Variants in SMPD4 observed in about 807,000 individuals in gnomAD.
SMPD4 encodes the protein sphingomyelin phosphodiesterase 4.
A neutral mutation model predicts 97.8 loss-of-function variants in SMPD4; 58 were observed. That is an observed-to-expected ratio of 0.59 (90% CI 0.48 to 0.74). The LOEUF is 0.74. Ranked by LOEUF, SMPD4 falls within the 30% of genes least tolerant of loss-of-function variation. The pLI is 0.00. For synonymous variants in SMPD4, 388 were observed against 450.0 expected, an observed-to-expected ratio of 0.86 and a Z score of 1.74; for missense variants, 853 against 1,080.5, an observed-to-expected ratio of 0.79 and a Z score of 2.95.
At chr2:130,169,139 C>T (rs1688199847) in intron 8 of SMPD4, among the ~76,000 whole-genome samples, 1 of 152,236 alleles carries the variant, frequency 6.6e-6, no homozygotes. Flanking sequence ...CACTACGGTG[C>T]TCCTCCCAAC....
At chr2:130,174,736 TG>T (rs1314222111) in intron 3 of SMPD4, among the ~76,000 whole-genome samples, 177 bp downstream of exon 3, 2 of 152,212 alleles carry the variant, frequency 1.3e-5, no homozygotes, top group Non-Finnish European at 2.9e-5. Flanking sequence ...TGAGAACCCC[TG>T]ATCTACAAGT....
intron 10 of SMPD4, 59 bp from the exon 11 acceptor site, chr2:130,161,331 G>C (rs886761545): frequency 6.9e-7 from 1 of 1,454,500 alleles, no homozygotes; most frequent in Admixed American, 1.7e-5. Flanking sequence ...CAAGAGAATG[G>C]GGTGGGGAAG....
chr2:130,153,993 A>C (rs2104800498), intron 16 of SMPD4, 58 bp from the exon 17 acceptor site: 1 of 1,531,214 alleles, frequency 6.5e-7, no homozygotes. Flanking sequence ...CCACCCAGGC[A>C]GCCCCAAGAG....
chr2:130,157,184 T>C (rs1573671468), intron 12 of SMPD4, 67 bp downstream of exon 12: 1 of 1,547,124 alleles, frequency 6.5e-7, no homozygotes, highest in East Asian at 2.4e-5. Context: ...GAGGTCGCTG[T>C]GGGCGACACC....
chr2:130,170,514 T>G (rs1688353558), intron 8 of SMPD4, among the ~76,000 whole-genome samples: 1 of 148,304 alleles, frequency 6.7e-6, no homozygotes, highest in South Asian at 2.1e-4. Context: ...GCCTGTAATC[T>G]CTGAACTTTG....
intron 15 of SMPD4, chr2:130,154,838 A>C: frequency 1.6e-6 from 1 of 614,174 alleles, no homozygotes; most frequent in South Asian, 2.0e-5. Flanking sequence ...ACGGGGCCGC[A>C]GCTTGGACCG....
At chr2:130,172,702 A>G in intron 6 of SMPD4, 25 bp from the exon 7 acceptor site, 1 of 1,614,216 alleles carries the variant, frequency 6.2e-7, no homozygotes, top group Non-Finnish European at 8.5e-7. Flanking sequence ...AGGGGCAAAC[A>G]TGCAGGGTTG....
rs773419275 is a variant in SMPD4, at chr2:130,167,450, A to G, written c.792+8T>C. On this transcript the variant is annotated splice_region_variant and intron_variant, in intron 9 of 19. Transcript: ENST00000680298. ...TGAACAGTTTCTTTTGACCAGCTCA[A>G]CTCTCACCTGGAGCAGAGTTTCTGA... 5 of 1,612,234 alleles carry G rather than the reference A, an allele frequency of 3.1e-6. No homozygotes were observed. Among genetic ancestry groups the G allele is most frequent in the Non-Finnish European group, 4.2e-6 (5 of 1,179,520 alleles).
At chr2:130,175,581 T>C (rs1427236340) in intron 2 of SMPD4, among the ~76,000 whole-genome samples, 4 of 152,146 alleles carry the variant, frequency 2.6e-5, no homozygotes, top group African/African-American at 4.8e-5. Context: ...TTCAGCCAAG[T>C]AGACACTAAT....
chr2:130,154,844 G>A (rs1558740513), intron 15 of SMPD4: 5 of 620,226 alleles, frequency 8.1e-6, no homozygotes, highest in Non-Finnish European at 1.1e-5. Context: ...CCGCAGCTTG[G>A]ACCGTGCCGG....
At position 130,181,510 on chromosome 2, in the gene SMPD4, G is replaced by A. The variant is rs776073586; in HGVS notation, c.-46+20C>T. The A allele has an allele frequency of 6.3e-7, 1 of 1,594,410 alleles. No homozygotes were observed. The highest frequency in any genetic ancestry group is 8.5e-7 in the Non-Finnish European group (1 of 1,171,700). Reference sequence around the variant, plus strand: ...CCCAGGGCGCCGGACCGTCTCAGGCGCGCATCCCGCGCCACTCACCTGTGG... The same window carrying A: ...CCCAGGGCGCCGGACCGTCTCAGGCACGCATCCCGCGCCACTCACCTGTGG... On this transcript the variant is annotated intron_variant, in intron 1 of 19. Transcript: ENST00000680298.
Position 130,174,900 on chromosome 2 carries a change from T to C in SMPD4, c.126+14A>G, listed in dbSNP as rs539545425. The C allele has an allele frequency of 8.3e-6, 13 of 1,556,974 alleles. No homozygotes were observed. Among genetic ancestry groups the C allele is most frequent in the Non-Finnish European group, 1.2e-5 (13 of 1,129,368 alleles). ...TAAGACATGCTCCAAAGAGAGACGT[T>C]AGCAGAGCTATACCTTTGCTGGAAA... On this transcript the variant is annotated intron_variant, in intron 3 of 19. Transcript: ENST00000680298.
chr2:130,154,639 T>C (rs1226527791), intron 15 of SMPD4, 157 bp from the exon 16 acceptor site: 1 of 972,676 alleles, frequency 1.0e-6, no homozygotes, highest in African/African-American at 1.6e-5. Flanking sequence ...ACACAGTAGG[T>C]GGCTGACATG....
At position 130,167,504 on chromosome 2, in the gene SMPD4, G is replaced by A; in HGVS notation, c.746C>T (p.Ala249Val). ...RHISHQTSVN[A>V]DPASHEIWRS... Reference sequence around the variant, plus strand: ...CCAGATCTCGTGGGAGGCGGGGTCTGCATTCACAGACGTCTGATGAGAGAT... The same window carrying A: ...CCAGATCTCGTGGGAGGCGGGGTCTACATTCACAGACGTCTGATGAGAGAT... Residue 249 changes from alanine (A) to valine (V), a missense_variant, in exon 9 of 20, where the codon GCA becomes GTA. Physicochemically the swap from Ala to Val is moderately conservative, Grantham distance 64. Transcript: ENST00000680298. 6.2e-7 allele frequency: 1 copy of A among 1,613,830 alleles called. No homozygotes were observed. The highest frequency in any genetic ancestry group is 2.2e-5 in the East Asian group (1 of 44,868).
chr2:130,181,164 G>C lies in SMPD4; in HGVS notation c.-46+366C>G, dbSNP rs578224123. 5.6e-4 allele frequency: 409 copies of C among 732,876 alleles called. 1 individual carries two copies. Among genetic ancestry groups the C allele is most frequent in the South Asian group, 7.0e-4 (19 of 27,258 alleles). The allele number at this position is 732,876 out of a possible 1,614,324, so 45.4% of individuals were successfully genotyped here. A position where few individuals can be genotyped will look rare whatever the true frequency, so the allele number is the denominator to read the frequency against. On this transcript the variant is annotated intron_variant, in intron 1 of 19. Coordinates refer to ENST00000680298, the MANE Select transcript of SMPD4 (RefSeq NM_017951.5). ...GGCTCGGAGATGTGGAGCACACAGG[G>C]GAAGGGTCGAGCTGGGACCCACACC...
chr2:130,162,083 G>A (rs1687478286), intron 10 of SMPD4, among the ~76,000 whole-genome samples: 1 of 152,192 alleles, frequency 6.6e-6, no homozygotes, highest in South Asian at 2.1e-4. Context: ...CATCAGCTCT[G>A]ACTCCTGGAG....
At chr2:130,161,094 T>A (rs1687354306) in intron 11 of SMPD4, 92 bp downstream of exon 11, 1 of 1,247,824 alleles carries the variant, frequency 8.0e-7, no homozygotes. Flanking sequence ...AACTAGCCTC[T>A]GAGTCACCAG....
At chr2:130,177,866 A>G (rs1689119319) in intron 1 of SMPD4, among the ~76,000 whole-genome samples, 1 of 152,194 alleles carries the variant, frequency 6.6e-6, no homozygotes, top group East Asian at 1.9e-4. Flanking sequence ...CCTCAGTGGT[A>G]GGCAGAATTC....
chr2:130,168,989 G>A lies in SMPD4; in HGVS notation c.660-1399C>T, dbSNP rs187100621. On this transcript the variant is annotated intron_variant, in intron 8 of 19. Coordinates refer to ENST00000680298, the MANE Select transcript of SMPD4 (RefSeq NM_017951.5). ...GCCCACCTCAGCCTCTCAAAGTCCTGGAATTACAGGCATGAGCCACCATGC... is the reference window on the plus strand; with the variant it reads ...GCCCACCTCAGCCTCTCAAAGTCCTAGAATTACAGGCATGAGCCACCATGC... Among the ~76,000 whole-genome samples, 5 of 152,210 alleles carry A rather than the reference G, an allele frequency of 3.3e-5. No individual in the cohort carries two copies. In the East Asian group the frequency reaches 9.7e-4, roughly 29 times the overall value.
Sources: gnomAD v4.1 joint callset for allele counts (sites outside exome capture counted in the v4.1 genomes callset) on GRCh38, gnomAD v4.1.1 for gene constraint, MANE v1.5 for transcripts, NCBI Gene and HGNC (gene_info 2026-07-23, HGNC 2026-07-21) for gene names.